The following OPCML variants were observed in gnomAD, a reference collection of about 807,000 sequenced individuals.
The protein encoded by OPCML is opioid-binding protein/cell adhesion molecule.
OPCML carries 13 observed loss-of-function variants against 37.8 expected under a neutral mutation model. The observed-to-expected ratio is 0.34, with a 90% CI of 0.22 to 0.55. The LOEUF is 0.55. Among genes scored for constraint, OPCML ranks in the 20% least tolerant of loss-of-function variants. OPCML has a pLI of 0.91. For synonymous variants in OPCML, 176 were observed against 168.8 expected (o/e 1.04, Z -0.33); for missense variants, 341 against 435.6 (o/e 0.78, Z 1.93).
At chr11:132,979,877 G>T (rs1030146223) in intron 1 of OPCML, among the ~76,000 whole-genome samples, 1 of 152,148 alleles carries the variant, frequency 6.6e-6, no homozygotes, top group East Asian at 1.9e-4. Context: ...ATAAAGGCAG[G>T]AGGAAGCCTG....
chr11:132,636,628 C>T (rs1784512), intron 3 of OPCML, among the ~76,000 whole-genome samples: 98,017 of 152,102 alleles, frequency 0.64, 32,468 homozygotes, highest in African/African-American at 0.81. Context: ...TAAATTAAGG[C>T]TACAGAACTG....
chr11:132,765,621 A>G (rs1388175378), intron 2 of OPCML, among the ~76,000 whole-genome samples: 1 of 152,244 alleles, frequency 6.6e-6, no homozygotes, highest in East Asian at 1.9e-4. Context: ...TTCTAAGCTC[A>G]GATAGAAGCA....
intron 3 of OPCML, among the ~76,000 whole-genome samples, chr11:132,610,591 C>T: frequency 6.6e-6 from 1 of 152,162 alleles, no homozygotes; most frequent in East Asian, 1.9e-4. Context: ...CCGCTGAAGA[C>T]TGGCGCTCGG....
chr11:132,772,507 T>C (rs913873014), intron 2 of OPCML: 3 of 152,084 alleles, frequency 2.0e-5, no homozygotes, highest in African/African-American at 7.2e-5. Flanking sequence ...GGAACCTTTG[T>C]ATGAATGGAA....
chr11:133,080,977 G>A (rs530371592), intron 1 of OPCML, among the ~76,000 whole-genome samples: 3 of 152,244 alleles, frequency 2.0e-5, no homozygotes, highest in South Asian at 2.1e-4. Flanking sequence ...GTGGGGAAAG[G>A]GGCTTACCGC....
rs538784712 is a variant in OPCML, at chr11:132,819,771, A to T, written c.146+123155T>A. Among the ~76,000 whole-genome samples, 7 of 152,344 alleles carry T rather than the reference A, an allele frequency of 4.6e-5. No homozygotes were observed. The South Asian group carries it at 1.4e-3, about 32-fold the overall frequency. ...TATCTATATTTCCCTCAAGAAATACAACAAGAGACATCATCAGTAAGTCAC... is the reference window on the plus strand; with the variant it reads ...TATCTATATTTCCCTCAAGAAATACTACAAGAGACATCATCAGTAAGTCAC... On this transcript the variant is annotated intron_variant, in intron 2 of 7. Coordinates refer to ENST00000524381, the MANE Select transcript of OPCML (RefSeq NM_001012393.5).
intron 2 of OPCML, among the ~76,000 whole-genome samples, chr11:132,856,824 G>A (rs1331482517): frequency 6.6e-6 from 1 of 152,164 alleles, no homozygotes; most frequent in Non-Finnish European, 1.5e-5. Context: ...CCGGAAGCAT[G>A]CCAACATAGA....
At chr11:132,430,563 G>C (rs957381082) in intron 7 of OPCML, among the ~76,000 whole-genome samples, 4 of 152,188 alleles carry the variant, frequency 2.6e-5, no homozygotes, top group Admixed American at 2.6e-4. Flanking sequence ...AGAGGGCTCA[G>C]GCTTGGCCTG....
chr11:132,942,222 T>A (rs1945602050), intron 2 of OPCML, among the ~76,000 whole-genome samples: 2 of 152,146 alleles, frequency 1.3e-5, no homozygotes, highest in African/African-American at 4.8e-5. Flanking sequence ...ATTCTCCACC[T>A]CTCTGCCTGG....
chr11:132,511,232 G>T (rs549080389), intron 4 of OPCML, among the ~76,000 whole-genome samples: 13 of 151,958 alleles, frequency 8.6e-5, no homozygotes, highest in African/African-American at 3.1e-4. Flanking sequence ...ACATAATTTG[G>T]AACCACACAC....
intron 2 of OPCML, among the ~76,000 whole-genome samples, chr11:132,848,960 C>T (rs1322073010): frequency 2.0e-5 from 3 of 152,202 alleles, no homozygotes; most frequent in Non-Finnish European, 4.4e-5. Flanking sequence ...AAATCACTAG[C>T]TCCAGTTGTT....
At chr11:132,505,215 C>T (rs1313053951) in intron 4 of OPCML, among the ~76,000 whole-genome samples, 1 of 151,932 alleles carries the variant, frequency 6.6e-6, no homozygotes, top group South Asian at 2.1e-4. Flanking sequence ...CAGATCACAC[C>T]AATTTCGAGA....
intron 1 of OPCML, among the ~76,000 whole-genome samples, chr11:133,366,536 A>G (rs1246227461): frequency 6.6e-6 from 1 of 152,208 alleles, no homozygotes; most frequent in Non-Finnish European, 1.5e-5. Context: ...GAAGGAAGAC[A>G]GCAGTTTTCT....
chr11:132,525,415 T>G (rs1421144858), intron 4 of OPCML, among the ~76,000 whole-genome samples: 1 of 152,232 alleles, frequency 6.6e-6, no homozygotes, highest in Non-Finnish European at 1.5e-5. Flanking sequence ...ATTTAAATCA[T>G]ATATTTCAAA....
intron 2 of OPCML, among the ~76,000 whole-genome samples, chr11:132,810,328 T>G (rs1565880375): frequency 6.6e-6 from 1 of 152,186 alleles, no homozygotes; most frequent in Non-Finnish European, 1.5e-5. Context: ...AGGGAAACCT[T>G]GCCTAGGTGG....
chr11:132,433,579 G>A (rs2096004242), intron 7 of OPCML, among the ~76,000 whole-genome samples: 1 of 152,170 alleles, frequency 6.6e-6, no homozygotes, highest in Non-Finnish European at 1.5e-5. Context: ...TGTGCTATGG[G>A]CTGAATCGCA....
chr11:133,335,325 C>T (rs1386534843), intron 1 of OPCML, among the ~76,000 whole-genome samples: 3 of 152,206 alleles, frequency 2.0e-5, no homozygotes, highest in Non-Finnish European at 4.4e-5. Context: ...GATTTCCTAA[C>T]TCCAAATCCA....
At chr11:132,710,880 G>GA (rs1333333238) in intron 2 of OPCML, among the ~76,000 whole-genome samples, 1 of 151,708 alleles carries the variant, frequency 6.6e-6, no homozygotes, top group African/African-American at 2.4e-5. Context: ...AAAGAAAAAG[G>GA]AAAAAAAGTG....
chr11:132,461,053 G>A (rs2096099950), intron 4 of OPCML, among the ~76,000 whole-genome samples: 2 of 152,242 alleles, frequency 1.3e-5, no homozygotes, highest in Admixed American at 6.5e-5. Flanking sequence ...TGTACCTGAG[G>A]ATACTGAGTG....
Sources: allele counts gnomAD v4.1 joint callset (sites outside exome capture counted in the v4.1 genomes callset), GRCh38; gene constraint gnomAD v4.1.1; transcripts MANE v1.5; gene names NCBI Gene and HGNC (gene_info 2026-07-23, HGNC 2026-07-21).